NCOA2: variants seen among roughly 807,000 people sequenced by gnomAD.
NCOA2 encodes the protein nuclear receptor coactivator 2.
NCOA2 carries 21 observed loss-of-function variants against 145.1 expected under a neutral mutation model. The observed-to-expected ratio is 0.14, with a 90% CI of 0.10 to 0.21. The LOEUF is 0.21. NCOA2 is among the 10% of genes least tolerant of loss of function. The probability of loss-of-function intolerance (pLI) is 1.00; values close to 1 mark genes in which losing one functional copy is unlikely to be tolerated. For synonymous variants in NCOA2, 619 were observed against 637.5 expected (o/e 0.97, Z 0.44); for missense variants, 1,472 against 1,837.6 (o/e 0.80, Z 3.64).
intron 1 of NCOA2, among the ~76,000 whole-genome samples, chr8:70,327,954 T>C (rs1806743623): frequency 6.6e-6 from 1 of 152,162 alleles, no homozygotes; most frequent in Non-Finnish European, 1.5e-5. Flanking sequence ...TGACAAAGAT[T>C]GTCATTAACC....
chr8:70,242,657 T>G (rs760714485), intron 2 of NCOA2, among the ~76,000 whole-genome samples: 513 of 152,214 alleles, frequency 3.4e-3, no homozygotes, highest in Non-Finnish European at 5.0e-3. Flanking sequence ...TTCCTGAATC[T>G]TATATTCCCT....
At chr8:70,140,988 G>C (rs1443300357) in intron 14 of NCOA2, among the ~76,000 whole-genome samples, 196 bp downstream of exon 14, 1 of 152,158 alleles carries the variant, frequency 6.6e-6, no homozygotes, top group African/African-American at 2.4e-5. Context: ...CTCAAAGGTA[G>C]TTGGGTCTCT....
At chr8:70,144,508 G>C (rs1442913363) in intron 13 of NCOA2, 134 bp downstream of exon 13, 12 of 738,012 alleles carry the variant, frequency 1.6e-5, no homozygotes, top group Non-Finnish European at 2.5e-5. Context: ...AAAATCTGTA[G>C]AATTTTCTCA....
At chr8:70,137,697 G>A (rs968307557) in intron 15 of NCOA2, among the ~76,000 whole-genome samples, 10 of 152,334 alleles carry the variant, frequency 6.6e-5, no homozygotes, top group African/African-American at 2.4e-4. Flanking sequence ...TGTCTACACA[G>A]TGTGCGCCTA....
intron 2 of NCOA2, among the ~76,000 whole-genome samples, chr8:70,273,131 T>C (rs1825183500): frequency 6.6e-6 from 1 of 152,218 alleles, no homozygotes; most frequent in Non-Finnish European, 1.5e-5. Flanking sequence ...TACCTATTTA[T>C]ATGCTGCCAA....
At chr8:70,449,099 C>A in the NCOA2 span, among the ~76,000 whole-genome samples, 3 of 152,148 alleles carry the variant, frequency 2.0e-5, no homozygotes, top group Admixed American at 6.5e-5. Flanking sequence ...AACCACAGCA[C>A]CTGGCCTACC....
At chr8:70,174,924 G>A in intron 4 of NCOA2, 65 bp from the exon 5 acceptor site, 2 of 1,406,270 alleles carry the variant, frequency 1.4e-6, no homozygotes, top group Non-Finnish European at 2.0e-6. Flanking sequence ...ACACAGAAAT[G>A]TTTTTACTGT....
chr8:70,189,880 A>C (rs1200320995), intron 4 of NCOA2, among the ~76,000 whole-genome samples: 1 of 152,114 alleles, frequency 6.6e-6, no homozygotes, highest in African/African-American at 2.4e-5. Flanking sequence ...TAGCTAGAAG[A>C]CTCCACTTGT....
chr8:70,167,577 G>A (rs1813761193), intron 6 of NCOA2, among the ~76,000 whole-genome samples: 1 of 152,052 alleles, frequency 6.6e-6, no homozygotes, highest in Admixed American at 6.6e-5. Context: ...TTATAACTTT[G>A]TTTTTCCTAA....
intron 1 of NCOA2, among the ~76,000 whole-genome samples, chr8:70,330,204 G>T (rs186732181): frequency 2.0e-4 from 27 of 138,440 alleles, no homozygotes; most frequent in African/African-American, 7.6e-4. Flanking sequence ...AAATGATGAT[G>T]ATGATGATGA....
chr8:70,447,759 AC>A, the NCOA2 span, among the ~76,000 whole-genome samples: 1 of 138,008 alleles, frequency 7.2e-6, no homozygotes, highest in Non-Finnish European at 1.5e-5. Flanking sequence ...ACCATGGCTC[AC>A]TGCAGCCTCG....
At chr8:70,313,338 C>T (rs1468739664) in intron 1 of NCOA2, among the ~76,000 whole-genome samples, 1 of 152,150 alleles carries the variant, frequency 6.6e-6, no homozygotes, top group Non-Finnish European at 1.5e-5. Context: ...AAACAAGTTT[C>T]TTTTTACTTC....
the NCOA2 span, among the ~76,000 whole-genome samples, chr8:70,420,450 G>T: frequency 6.6e-6 from 1 of 152,154 alleles, no homozygotes; most frequent in Non-Finnish European, 1.5e-5. Flanking sequence ...TGAAGGAAAG[G>T]CTGAGAACTA....
intron 15 of NCOA2, 168 bp downstream of exon 15, chr8:70,138,035 T>A: frequency 1.7e-6 from 1 of 595,616 alleles, no homozygotes; most frequent in Non-Finnish European, 2.8e-6. Flanking sequence ...TAAAGGTATG[T>A]CCTAGGTCAT....
chr8:70,134,317 A>C (rs1809492062), intron 15 of NCOA2, among the ~76,000 whole-genome samples: 1 of 152,244 alleles, frequency 6.6e-6, no homozygotes, highest in Non-Finnish European at 1.5e-5. Flanking sequence ...GGGGCCAACA[A>C]ACATGGATAT....
At chr8:70,341,739 T>C (rs1808161136) in intron 1 of NCOA2, among the ~76,000 whole-genome samples, 3 of 152,210 alleles carry the variant, frequency 2.0e-5, no homozygotes, top group Admixed American at 2.0e-4. Context: ...AATTTTAGTG[T>C]AACAAAATAT....
upstream of NCOA2, among the ~76,000 whole-genome samples, chr8:70,406,362 T>C (rs895626333): frequency 2.6e-5 from 4 of 152,218 alleles, no homozygotes; most frequent in Non-Finnish European, 5.9e-5. Context: ...CCATAATTTT[T>C]AGTGAATCAT....
chr8:70,225,032 G>A (rs2134098560), intron 2 of NCOA2, among the ~76,000 whole-genome samples: 1 of 152,152 alleles, frequency 6.6e-6, no homozygotes, highest in East Asian at 1.9e-4. Context: ...TCAGACAGCG[G>A]CAGCAAGAGG....
chr8:70,160,677 G>GAGAGAGAGAGAGAGAGAGAA (rs1244803232), intron 9 of NCOA2, among the ~76,000 whole-genome samples: 1 of 145,440 alleles, frequency 6.9e-6, no homozygotes, highest in South Asian at 2.1e-4. Flanking sequence ...GAGAGAGAGA[G>GAGAGAGAGAGAGAGAGAGAA]AGAGGGAGAG....
Sources: allele counts gnomAD v4.1 joint callset (sites outside exome capture counted in the v4.1 genomes callset), GRCh38; gene constraint gnomAD v4.1.1; transcripts MANE v1.5; gene names NCBI Gene and HGNC (gene_info 2026-07-23, HGNC 2026-07-21).